The following BAIAP2L1 variants were observed in gnomAD, a reference collection of about 807,000 sequenced individuals.
BAIAP2L1 encodes BAR/IMD domain containing adaptor protein 2 like 1.
Under a neutral mutation model 66.3 loss-of-function variants are expected in BAIAP2L1, and 35 were observed. That is an observed-to-expected ratio of 0.53 (90% confidence interval 0.40 to 0.70). The LOEUF (loss-of-function observed/expected upper bound fraction) is 0.70, where lower values mean the gene tolerates loss of function less well. BAIAP2L1 is among the 30% of genes least tolerant of loss of function. The probability of loss-of-function intolerance (pLI) is 0.00; values close to 1 mark genes in which losing one functional copy is unlikely to be tolerated. For synonymous variants in BAIAP2L1, 269 were observed against 248.7 expected (o/e 1.08, Z -0.77); for missense variants, 622 against 656.9 (o/e 0.95, Z 0.58).
At chr7:98,354,945 A>ACC (rs1397062271) in intron 3 of BAIAP2L1, 97 bp downstream of exon 3, 5 of 878,236 alleles carry the variant, frequency 5.7e-6, no homozygotes, top group African/African-American at 4.9e-5. Flanking sequence ...GCTGGCCCAG[A>ACC]TCTCTCCTCT....
intron 10 of BAIAP2L1, 85 bp from the exon 11 acceptor site, chr7:98,306,601 G>A: frequency 6.3e-7 from 1 of 1,594,564 alleles, no homozygotes; most frequent in Non-Finnish European, 8.6e-7. Flanking sequence ...AGAGCTCAGG[G>A]CAGACAGGTC....
chr7:98,296,121 T>G (rs1020498743), intron 12 of BAIAP2L1, among the ~76,000 whole-genome samples: 2 of 152,118 alleles, frequency 1.3e-5, no homozygotes, highest in Admixed American at 1.3e-4. Flanking sequence ...CACACAGCAC[T>G]GAGCGACTGT....
intron 1 of BAIAP2L1, among the ~76,000 whole-genome samples, chr7:98,383,082 G>A (rs760865796): frequency 1.3e-4 from 20 of 151,874 alleles, no homozygotes; most frequent in Non-Finnish European, 2.8e-4. Flanking sequence ...AGAATCACTT[G>A]AACCCAGGAG....
intron 3 of BAIAP2L1, 65 bp from the exon 4 acceptor site, chr7:98,320,363 T>G: frequency 7.8e-7 from 1 of 1,289,048 alleles, no homozygotes; most frequent in Non-Finnish European, 1.1e-6. Context: ...GAAATGGAGT[T>G]TTTGCTCTGT....
Position 98,292,550 on chromosome 7 carries a change from C to A in BAIAP2L1, c.*971G>T. The stretch of plus-strand genomic sequence containing the variant: ...ATGATTTCCAGCCCCGGGCTCAGGG[C>A]AGCCAGTGCGTAGTCCTCACATCCA... On this transcript the variant is annotated 3_prime_UTR_variant, in exon 14 of 14. Coordinates refer to ENST00000005260, the MANE Select transcript of BAIAP2L1 (RefSeq NM_018842.5). 1 of 1,266,608 alleles carries A rather than the reference C, an allele frequency of 7.9e-7. No individual in the cohort carries two copies. Among genetic ancestry groups the A allele is most frequent in the Admixed American group, 2.0e-5 (1 of 49,598 alleles). The allele number at this position is 1,266,608 out of a possible 1,614,324, so 78.5% of individuals were successfully genotyped here.
rs570503793 is a variant in BAIAP2L1 at position 98,386,517 on chromosome 7, T to C, written c.51+14285A>G. On this transcript the variant is annotated intron_variant, in intron 1 of 13. Coordinates refer to ENST00000005260, the MANE Select transcript of BAIAP2L1 (RefSeq NM_018842.5). The stretch of plus-strand genomic sequence containing the variant: ...ATACCAATCTTTCTTAGAAAATGGA[T>C]CAACCACTTTCTTCTTGGCTCCCTT... 4.4e-6 allele frequency: 7 copies of C among 1,597,216 alleles called. No homozygotes were observed. In the African/African-American group the frequency reaches 8.0e-5, roughly 18 times the overall value.
At chr7:98,331,594 G>A (rs1025362272) in intron 3 of BAIAP2L1, among the ~76,000 whole-genome samples, 2 of 147,634 alleles carry the variant, frequency 1.4e-5, no homozygotes, top group East Asian at 2.0e-4. Context: ...TCAGCCTCCC[G>A]AGTAGCTGGG....
intron 6 of BAIAP2L1, among the ~76,000 whole-genome samples, chr7:98,315,963 C>T (rs1461171562): frequency 6.6e-6 from 1 of 152,210 alleles, no homozygotes; most frequent in African/African-American, 2.4e-5. Flanking sequence ...CAAATGCCAA[C>T]AATAGGTGAT....
In BAIAP2L1 at chr7:98,394,887, G is replaced by A. The variant is rs572734171; in HGVS notation, c.51+5915C>T. ...AGCACTTTGGGAAGCCGAGGCAGGCGGATCACCTGAGGTCGGGAGTTCGAG... is the reference window on the plus strand; with the variant it reads ...AGCACTTTGGGAAGCCGAGGCAGGCAGATCACCTGAGGTCGGGAGTTCGAG... On this transcript the variant is annotated intron_variant, in intron 1 of 13. Transcript: ENST00000005260. Among the ~76,000 whole-genome samples, 45 of 152,248 alleles carry A rather than the reference G, an allele frequency of 3.0e-4. No individual in the cohort carries two copies. In the South Asian group the frequency reaches 3.1e-3, roughly 11 times the overall value.
At chr7:98,357,639 A>G (rs1379343094) in intron 2 of BAIAP2L1, among the ~76,000 whole-genome samples, 2 of 151,644 alleles carry the variant, frequency 1.3e-5, no homozygotes, top group African/African-American at 4.8e-5. Flanking sequence ...TACATATCCA[A>G]CTTTAGGAAA....
chr7:98,363,511 A>G (rs1802320440), intron 1 of BAIAP2L1, among the ~76,000 whole-genome samples: 1 of 152,242 alleles, frequency 6.6e-6, no homozygotes, highest in Non-Finnish European at 1.5e-5. Context: ...GTATCAGCAG[A>G]AAGTCATAAA....
Position 98,338,421 on chromosome 7 carries a change from TAA to T in BAIAP2L1, c.214+16619_214+16620del, listed in dbSNP as rs35420774. Among the ~76,000 whole-genome samples, 286 of 131,368 alleles carry T rather than the reference TAA, an allele frequency of 2.2e-3. 4 individuals are homozygous for T. Among genetic ancestry groups the T allele is most frequent in the Middle Eastern group, 4.0e-3 (1 of 248 alleles). 86.2% of individuals were successfully genotyped at this position (131,368 alleles called of 152,430 possible). A position where few individuals can be genotyped will look rare whatever the true frequency, so the allele number is the denominator to read the frequency against. ...TGGGCCACAGAGCAAGACTCCGTCT[TAA>T]AAAAAAAAAAAAAAAAAGACATGCC... On this transcript the variant is annotated intron_variant, in intron 3 of 13. Coordinates refer to ENST00000005260, the MANE Select transcript of BAIAP2L1 (RefSeq NM_018842.5).
intron 2 of BAIAP2L1, among the ~76,000 whole-genome samples, chr7:98,359,439 AT>A (rs1438659751): frequency 6.6e-6 from 1 of 151,940 alleles, no homozygotes; most frequent in Non-Finnish European, 1.5e-5. Context: ...CGCCTGGCTA[AT>A]TTTTGTATCT....
intron 3 of BAIAP2L1, among the ~76,000 whole-genome samples, chr7:98,344,292 T>C (rs563849510): frequency 6.6e-6 from 1 of 152,226 alleles, no homozygotes; most frequent in Non-Finnish European, 1.5e-5. Context: ...CAAAATGAAA[T>C]TGAAAGGTTT....
chr7:98,395,047 G>C (rs1161934528), intron 1 of BAIAP2L1, among the ~76,000 whole-genome samples: 1 of 151,350 alleles, frequency 6.6e-6, no homozygotes, highest in Non-Finnish European at 1.5e-5. Context: ...GGAGGCAAGG[G>C]TTGTAATGAG....
At chr7:98,385,736 T>C in intron 1 of BAIAP2L1, 3 of 1,114,616 alleles carry the variant, frequency 2.7e-6, no homozygotes, top group Non-Finnish European at 3.8e-6. Context: ...TTCTTTTTTT[T>C]GTTGTTTTTT....
chr7:98,351,415 CT>C (rs1801997644), intron 3 of BAIAP2L1, among the ~76,000 whole-genome samples: 1 of 152,170 alleles, frequency 6.6e-6, no homozygotes, highest in African/African-American at 2.4e-5. Flanking sequence ...CCTGGTGTTC[CT>C]TGGCTCATGC....
chr7:98,307,984 G>C, intron 9 of BAIAP2L1, 88 bp from the exon 10 acceptor site: 2 of 1,268,542 alleles, frequency 1.6e-6, no homozygotes, highest in Non-Finnish European at 2.3e-6. Flanking sequence ...GAATCCACCT[G>C]TTCTCATCTT....
intron 1 of BAIAP2L1, chr7:98,386,556 G>A (rs9641237): frequency 0.25 from 391,707 of 1,591,502 alleles, 45,428 homozygotes; most frequent in East Asian, 0.46. Context: ...GCCGCCTTTC[G>A]TAAGGCGCTT....
Sources: allele counts gnomAD v4.1 joint callset (sites outside exome capture counted in the v4.1 genomes callset), GRCh38; gene constraint gnomAD v4.1.1; transcripts MANE v1.5; gene names NCBI Gene and HGNC (gene_info 2026-07-23, HGNC 2026-07-21).